Variants in TMEM132C observed in about 807,000 individuals in gnomAD.
TMEM132C encodes the protein protein phosphatase 1, regulatory subunit 152.
TMEM132C carries 29 observed loss-of-function variants against 61.4 expected under a neutral mutation model. The ratio of observed to expected loss-of-function variants is 0.47; its 90% confidence interval spans 0.35 to 0.64. The LOEUF (loss-of-function observed/expected upper bound fraction) is 0.64, where lower values mean the gene tolerates loss of function less well. Among genes scored for constraint, TMEM132C ranks in the 30% least tolerant of loss-of-function variants. TMEM132C has a pLI of 0.00. For missense variants in TMEM132C, 1,408 were observed against 1,476.9 expected, an observed-to-expected ratio of 0.95 and a Z score of 0.76; for synonymous variants, 656 against 633.1, an observed-to-expected ratio of 1.04 and a Z score of -0.54.
At chr12:128,505,069 G>A (rs2136112648) in intron 2 of TMEM132C, among the ~76,000 whole-genome samples, 1 of 149,308 alleles carries the variant, frequency 6.7e-6, no homozygotes. Context: ...GTGTTAGAGA[G>A]CCCTAGTGAG....
At chr12:128,602,027 C>T (rs548096256) in intron 3 of TMEM132C, among the ~76,000 whole-genome samples, 9 of 152,008 alleles carry the variant, frequency 5.9e-5, no homozygotes, top group East Asian at 1.9e-4. Flanking sequence ...AGCAATGTAC[C>T]GAGACCCTCT....
At position 128,669,454 on chromosome 12, in the gene TMEM132C, A is replaced by G; in HGVS notation, c.1343A>G (p.Lys448Arg). ...CTGAACACCGCCGTACTCACAGGAA[A>G]GACAGTTGCCATGCCTATCAAGGTG... is the stretch of plus-strand genomic sequence containing the variant. ...EILNTAVLTG[K>R]TVAMPIKVVS... Residue 448 changes from lysine to arginine, a missense_variant, in exon 5 of 9, where the codon AAG becomes AGG. Coordinates refer to ENST00000435159, the MANE Select transcript of TMEM132C (RefSeq NM_001136103.3). 6.4e-7 allele frequency: 1 copy of G among 1,551,676 alleles called. No individual in the cohort carries two copies. The highest frequency in any genetic ancestry group is 8.7e-7 in the Non-Finnish European group (1 of 1,146,984).
intron 3 of TMEM132C, among the ~76,000 whole-genome samples, chr12:128,553,802 A>G (rs1444649177): frequency 6.6e-6 from 1 of 152,172 alleles, no homozygotes; most frequent in Non-Finnish European, 1.5e-5. Flanking sequence ...CACCCAACAT[A>G]GAAATTGGGG....
In TMEM132C at chr12:128,378,854, T is replaced by G. The variant is rs566219110; in HGVS notation, c.86-35878T>G. 9.7e-4 allele frequency among the ~76,000 whole-genome samples: 148 copies of G among 152,344 alleles called. 1 individual carries two copies. The highest frequency in any genetic ancestry group is 2.8e-3 in the African/African-American group (118 of 41,584). ...TGCCCAGGGAGAAGTAATTGAATCA[T>G]GAGGGTGGTTACCCCCATGCTGCTG... On this transcript the variant is annotated intron_variant, in intron 1 of 8. Coordinates refer to ENST00000435159, the MANE Select transcript of TMEM132C (RefSeq NM_001136103.3).
Position 128,326,306 on chromosome 12 carries a change from G to A in TMEM132C, c.85+58819G>A, listed in dbSNP as rs1872515728. Among the ~76,000 whole-genome samples, 1 of 152,190 alleles carries A rather than the reference G, an allele frequency of 6.6e-6. No individual in the cohort carries two copies. Among genetic ancestry groups the A allele is most frequent in the East Asian group, 1.9e-4 (1 of 5,168 alleles). ...CCAGCCTCCCTGGGCTCTTCTCCGT[G>A]TCCGATTCTCTGGATATGAGAGTGT... is the stretch of plus-strand genomic sequence containing the variant. On this transcript the variant is annotated intron_variant, in intron 1 of 8. Transcript: ENST00000435159. The surrounding 1 kb of genome is among the most constrained non-coding windows in gnomAD (Gnocchi z 5.6).
chr12:128,665,641 A>ACACC, intron 4 of TMEM132C, among the ~76,000 whole-genome samples: 1 of 147,520 alleles, frequency 6.8e-6, no homozygotes, highest in South Asian at 2.1e-4. Context: ...ACACACACAC[A>ACACC]CACCCAGGCA....
chr12:128,514,542 C>A (rs573118053), intron 2 of TMEM132C, among the ~76,000 whole-genome samples: 2 of 151,998 alleles, frequency 1.3e-5, no homozygotes, highest in Admixed American at 6.6e-5. Context: ...GCGGGGGCGA[C>A]GCAATTTGTT....
chr12:128,548,194 A>G lies in TMEM132C; in HGVS notation c.1121+4091A>G, dbSNP rs140127311. 5.8e-3 allele frequency among the ~76,000 whole-genome samples: 884 copies of G among 152,236 alleles called. 6 individuals are homozygous for G. Among genetic ancestry groups the G allele is most frequent in the African/African-American group, 0.02 (843 of 41,546 alleles). On this transcript the variant is annotated intron_variant, in intron 3 of 8. Transcript: ENST00000435159. ...ATGAATGGGCACCAAGGGCCCCCCA[A>G]TCCCTAAAATTGCTTGAAAATATAT...
intron 1 of TMEM132C, among the ~76,000 whole-genome samples, chr12:128,340,856 T>TCTTTCCTCCTTC (rs1555218715): frequency 4.8e-5 from 7 of 147,268 alleles, no homozygotes; most frequent in African/African-American, 1.8e-4. Context: ...TCTCTTTCTT[T>TCTTTCCTCCTTC]CTTCCTTCCT....
chr12:128,658,738 C>G (rs1430565499), intron 4 of TMEM132C, among the ~76,000 whole-genome samples: 6 of 152,202 alleles, frequency 3.9e-5, no homozygotes, highest in Non-Finnish European at 7.3e-5. Context: ...CTCCCCAATT[C>G]AAATCTCCCT....
chr12:128,384,175 CT>C (rs1345895745), intron 1 of TMEM132C, among the ~76,000 whole-genome samples: 20 of 152,192 alleles, frequency 1.3e-4, no homozygotes, highest in Admixed American at 1.2e-3. Context: ...GAAGTCTGAC[CT>C]TCTCCTTCTT....
intron 3 of TMEM132C, among the ~76,000 whole-genome samples, chr12:128,591,148 A>G (rs1355669408): frequency 1.3e-5 from 2 of 152,216 alleles, no homozygotes; most frequent in African/African-American, 4.8e-5. Context: ...CCCATTTAAA[A>G]TGTACAATTC....
At chr12:128,522,821 C>G (rs1593084973) in intron 2 of TMEM132C, among the ~76,000 whole-genome samples, 1 of 152,228 alleles carries the variant, frequency 6.6e-6, no homozygotes, top group South Asian at 2.1e-4. Context: ...ATAGGCTACT[C>G]TTGGTTGCAG....
intron 4 of TMEM132C, among the ~76,000 whole-genome samples, chr12:128,632,731 CT>C (rs1954073694): frequency 6.6e-6 from 1 of 152,200 alleles, no homozygotes; most frequent in South Asian, 2.1e-4. Flanking sequence ...TGAGAACAGT[CT>C]CCTTAGCATG....
intron 2 of TMEM132C, among the ~76,000 whole-genome samples, chr12:128,488,439 T>A (rs1871578255): frequency 6.6e-6 from 1 of 152,204 alleles, no homozygotes; most frequent in South Asian, 2.1e-4. Context: ...GGCGGGTGGA[T>A]CACCTGAGGT....
At chr12:128,344,758 G>T (rs1157174773) in intron 1 of TMEM132C, among the ~76,000 whole-genome samples, 3 of 151,948 alleles carry the variant, frequency 2.0e-5, no homozygotes, top group Non-Finnish European at 4.4e-5. Context: ...TCACCTATAG[G>T]TGCATGAAAT....
At chr12:128,701,385 G>A (rs1954802519) in intron 8 of TMEM132C, among the ~76,000 whole-genome samples, 1 of 152,116 alleles carries the variant, frequency 6.6e-6, no homozygotes, top group Admixed American at 6.5e-5. Context: ...TGTTGGCCAG[G>A]GCTTACCAAC....
intron 4 of TMEM132C, among the ~76,000 whole-genome samples, chr12:128,646,850 C>T (rs1246859622): frequency 6.9e-6 from 1 of 144,106 alleles, no homozygotes; most frequent in African/African-American, 2.6e-5. Flanking sequence ...GTGTTTAGCT[C>T]AGTCCATCAG....
In TMEM132C at chr12:128,267,524, G is replaced by A. The variant is rs946915032; in HGVS notation, c.85+37G>A. ...GCGGGTGCCTGGCGCGCCGACGCAT[G>A]CGAACTTCCCGGTTCCGGGGGAGCT... On this transcript the variant is annotated intron_variant, in intron 1 of 8. Coordinates refer to ENST00000435159, the MANE Select transcript of TMEM132C (RefSeq NM_001136103.3). 6.5e-6 allele frequency: 8 copies of A among 1,229,680 alleles called. No individual in the cohort carries two copies. The African/African-American group carries it at 1.3e-4, about 19-fold the overall frequency. 76.2% of individuals were successfully genotyped at this position (1,229,680 alleles called of 1,614,324 possible).
Sources: gnomAD v4.1 joint callset for allele counts (sites outside exome capture counted in the v4.1 genomes callset) on GRCh38, gnomAD v4.1.1 for gene constraint, Gnocchi (gnomAD v3.1) non-coding constraint, MANE v1.5 for transcripts, NCBI Gene and HGNC (gene_info 2026-07-23, HGNC 2026-07-21) for gene names.